Variants in CFAP36 observed in about 807,000 individuals in gnomAD.
CFAP36 encodes the protein cilia and flagella associated protein 36.
CFAP36 carries 37 observed loss-of-function variants against 50.5 expected under a neutral mutation model. The ratio of observed to expected loss-of-function variants is 0.73; its 90% CI spans 0.56 to 0.96. The LOEUF is 0.96. Among genes scored for constraint, CFAP36 ranks in the 50% least tolerant of loss-of-function variants. The probability of loss-of-function intolerance (pLI) is 0.00; values close to 1 mark genes in which losing one functional copy is unlikely to be tolerated. For synonymous variants in CFAP36, 138 were observed against 128.2 expected (o/e 1.08, Z -0.52); for missense variants, 407 against 396.2 (o/e 1.03, Z -0.23).
intron 3 of CFAP36, among the ~76,000 whole-genome samples, chr2:55,528,125 T>C (rs1684257863): frequency 6.6e-6 from 1 of 151,482 alleles, no homozygotes; most frequent in Non-Finnish European, 1.5e-5. Flanking sequence ...AGTGCTGGGA[T>C]TACAGGCATA....
intron 4 of CFAP36, among the ~76,000 whole-genome samples, chr2:55,530,490 C>T (rs1260523627): frequency 6.6e-6 from 1 of 152,190 alleles, no homozygotes; most frequent in Non-Finnish European, 1.5e-5. Flanking sequence ...TAAGCTTGTA[C>T]CAGCATCATG....
chr2:55,542,978 G>C (rs923747414), intron 7 of CFAP36, among the ~76,000 whole-genome samples: 2 of 152,052 alleles, frequency 1.3e-5, no homozygotes, highest in Non-Finnish European at 2.9e-5. Context: ...TAGTCAGTCT[G>C]GTCACTGCTA....
chr2:55,544,873 T>C (rs1248218609), intron 9 of CFAP36, 34 bp from the exon 10 acceptor site: 1 of 1,429,090 alleles, frequency 7.0e-7, no homozygotes, highest in South Asian at 1.3e-5. Flanking sequence ...TTACCCTATT[T>C]CATACTGTAG....
At chr2:55,529,934 C>T (rs1684312299) in intron 4 of CFAP36, among the ~76,000 whole-genome samples, 1 of 152,158 alleles carries the variant, frequency 6.6e-6, no homozygotes, top group Non-Finnish European at 1.5e-5. Flanking sequence ...GGTTCTTAAG[C>T]TTTAGCAAGC....
intron 5 of CFAP36, 63 bp downstream of exon 5, chr2:55,534,023 CT>C: frequency 2.1e-6 from 2 of 940,102 alleles, no homozygotes; most frequent in Admixed American, 2.3e-5. Context: ...TGTACATATG[CT>C]TTTTGCCCAA....
chr2:55,543,624 A>C (rs1479181669), intron 7 of CFAP36, among the ~76,000 whole-genome samples: 1 of 152,138 alleles, frequency 6.6e-6, no homozygotes, highest in Non-Finnish European at 1.5e-5. Context: ...GCAATCTTAT[A>C]TTATAGTGTA....
At chr2:55,527,110 G>A (rs1426447895) in intron 3 of CFAP36, among the ~76,000 whole-genome samples, 1 of 152,138 alleles carries the variant, frequency 6.6e-6, no homozygotes, top group Non-Finnish European at 1.5e-5. Context: ...TTTCCAAGAA[G>A]ACATAACAAT....
chr2:55,543,677 G>A (rs1423030764), intron 7 of CFAP36, among the ~76,000 whole-genome samples: 10 of 152,128 alleles, frequency 6.6e-5, no homozygotes, highest in Non-Finnish European at 1.3e-4. Context: ...TGTAGCTATA[G>A]TACTGTACAA....
Position 55,531,736 on chromosome 2 carries a change from C to T in CFAP36, c.398-2137C>T, listed in dbSNP as rs187247897. Among the ~76,000 whole-genome samples, 302 of 152,230 alleles carry T rather than the reference C, an allele frequency of 2.0e-3. 4 individuals carry two copies. The highest frequency in any genetic ancestry group is 3.5e-4 in the Non-Finnish European group (24 of 68,010). ...AAACCCTCCAGTTTTTCCCTCAGGT[C>T]CTATTGATTAGGATTGGGGTCACTT... On this transcript the variant is annotated intron_variant, in intron 4 of 9. Transcript: ENST00000349456.
chr2:55,532,159 AC>A (rs1211226020), intron 4 of CFAP36, among the ~76,000 whole-genome samples: 1 of 151,580 alleles, frequency 6.6e-6, no homozygotes, highest in Non-Finnish European at 1.5e-5. Flanking sequence ...CTATGATAGT[AC>A]CACTGCGTGC....
In CFAP36 at chr2:55,537,555, G is replaced by T. The variant is rs749145921; in HGVS notation, c.610G>T (p.Asp204Tyr). ...EAAIMNNSQG[D>Y]GEHFAHPPSE... ...TGCAATAATGAATAATTCCCAAGGG[G>T]ATGGTGAACATTTTGCACACCCACC... The change falls in exon 7 of 10, where the codon GAT becomes TAT. Residue 204 changes from aspartate (D) to tyrosine (Y), a missense_variant. Physicochemically the swap from Asp to Tyr is radical, Grantham distance 160. Transcript: ENST00000349456. 5.0e-6 allele frequency: 8 copies of T among 1,613,546 alleles called. No homozygotes were observed. The highest frequency in any genetic ancestry group is 1.7e-5 in the Admixed American group (1 of 59,954).
chr2:55,545,059 ATTAT>A lies in CFAP36; in HGVS notation c.*55_*58del. 1.8e-6 allele frequency: 2 copies of A among 1,114,468 alleles called. No homozygotes were observed. The highest frequency in any genetic ancestry group is 1.6e-5 in the African/African-American group (1 of 63,044). The allele number at this position is 1,114,468 out of a possible 1,614,324, so 69.0% of individuals were successfully genotyped here. On this transcript the variant is annotated 3_prime_UTR_variant, in exon 10 of 10. Transcript: ENST00000349456. ...GAAGTTCAAATTGTCTTAAAAATAAATTATTTAGTCCTTACACTGAGCCTTTTAG... is the reference window on the plus strand; with the variant it reads ...GAAGTTCAAATTGTCTTAAAAATAAATTAGTCCTTACACTGAGCCTTTTAG...
chr2:55,537,574 AC>A lies in CFAP36; in HGVS notation c.632del (p.Pro211HisfsTer14), dbSNP rs780997357. On this transcript the variant is annotated frameshift_variant, in exon 7 of 10. Coordinates refer to ENST00000349456, the MANE Select transcript of CFAP36 (RefSeq NM_080667.7). LOFTEE classifies it high-confidence loss of function. ...NSQGDGEHFA[H>X]PPSEVKMHFA... ...CAAGGGGATGGTGAACATTTTGCACACCCACCCTCAGGTAAGGTTGAGGTGT... is the reference window on the plus strand; with the variant it reads ...CAAGGGGATGGTGAACATTTTGCACACCACCCTCAGGTAAGGTTGAGGTGT... The A allele has an allele frequency of 5.6e-6, 9 of 1,610,398 alleles. No homozygotes were observed. The highest frequency in any genetic ancestry group is 7.6e-6 in the Non-Finnish European group (9 of 1,177,502).
intron 7 of CFAP36, among the ~76,000 whole-genome samples, chr2:55,543,086 G>A (rs2103671682): frequency 6.6e-6 from 1 of 151,908 alleles, no homozygotes; most frequent in South Asian, 2.1e-4. Flanking sequence ...TAACTGGCAG[G>A]ATCAACCAGG....
At position 55,519,738 on chromosome 2, in the gene CFAP36, A is replaced by C; in HGVS notation, c.-64A>C. 1.3e-6 allele frequency: 2 copies of C among 1,547,862 alleles called. No homozygotes were observed. The highest frequency in any genetic ancestry group is 8.9e-7 in the Non-Finnish European group (1 of 1,121,770). On this transcript the variant is annotated 5_prime_UTR_variant, in exon 1 of 10. Transcript: ENST00000349456. ...ACTCCCTCTCGGCTCCTTGTGGCCC[A>C]AAGGCCTAACCGGGGTCCGGCGGTC... is the stretch of plus-strand genomic sequence containing the variant.
chr2:55,541,305 C>G (rs1026407716), intron 7 of CFAP36, among the ~76,000 whole-genome samples: 4 of 152,212 alleles, frequency 2.6e-5, no homozygotes, highest in Non-Finnish European at 5.9e-5. Context: ...GCCTGGGCAA[C>G]AAGAGCGAAA....
At chr2:55,538,908 T>C in intron 7 of CFAP36, 1 of 1,453,812 alleles carries the variant, frequency 6.9e-7, no homozygotes. Context: ...TAGTGTGATG[T>C]TTACCCATTA....
intron 4 of CFAP36, among the ~76,000 whole-genome samples, chr2:55,532,215 A>C (rs1016837456): frequency 2.6e-5 from 4 of 152,030 alleles, no homozygotes; most frequent in Non-Finnish European, 5.9e-5. Flanking sequence ...ATTAAAAAAA[A>C]AAAAAGAAAA....
rs191198769 is a variant in CFAP36 at position 55,534,783 on chromosome 2, C to A, written c.485+823C>A. On this transcript the variant is annotated intron_variant, in intron 5 of 9. Transcript: ENST00000349456. Reference sequence around the variant, plus strand: ...ATCTTCTAGCATCCTACAGTTCCCCCCACTTAGGTACTTTGTCCCACCTCC... The same window carrying A: ...ATCTTCTAGCATCCTACAGTTCCCCACACTTAGGTACTTTGTCCCACCTCC... Among the ~76,000 whole-genome samples, 65 of 152,308 alleles carry A rather than the reference C, an allele frequency of 4.3e-4. 2 individuals carry two copies. In the East Asian group the frequency reaches 0.012, roughly 28 times the overall value.
Sources: gnomAD v4.1 joint callset for allele counts (sites outside exome capture counted in the v4.1 genomes callset) on GRCh38, gnomAD v4.1.1 for gene constraint, MANE v1.5 for transcripts, NCBI Gene and HGNC (gene_info 2026-07-23, HGNC 2026-07-21) for gene names.